The following DNAJC3 variants were observed in gnomAD, a reference collection of about 807,000 sequenced individuals.
DNAJC3 encodes dnaJ homolog subfamily C member 3.
A neutral mutation model predicts 68.6 loss-of-function variants in DNAJC3; 38 were observed. The ratio of observed to expected loss-of-function variants is 0.55; its 90% confidence interval spans 0.43 to 0.73. The LOEUF (loss-of-function observed/expected upper bound fraction) is 0.73. Ranked by LOEUF, DNAJC3 falls within the 30% of genes least tolerant of loss-of-function variation. The pLI, the probability that DNAJC3 is intolerant of heterozygous loss-of-function variation, is 0.00. For synonymous variants in DNAJC3, 203 were observed against 204.0 expected (o/e 1.00, Z 0.04); for missense variants, 526 against 591.9 (o/e 0.89, Z 1.16).
At chr13:95,742,886 T>C (rs778086537) in intron 4 of DNAJC3, 1 of 504,228 alleles carries the variant, frequency 2.0e-6, no homozygotes, top group Non-Finnish European at 4.0e-6. Flanking sequence ...TTTTCTCATA[T>C]CTTCTAAAAG....
chr13:95,740,771 T>C (rs1307421610), intron 4 of DNAJC3, among the ~76,000 whole-genome samples: 7 of 152,210 alleles, frequency 4.6e-5, no homozygotes, highest in Admixed American at 3.9e-4. Context: ...TCACCCGTCT[T>C]CTGCGTCGCT....
intron 3 of DNAJC3, among the ~76,000 whole-genome samples, chr13:95,723,638 G>C (rs17878553): frequency 6.6e-6 from 1 of 152,244 alleles, no homozygotes; most frequent in African/African-American, 2.4e-5. Context: ...TGTGGAGGCT[G>C]GAGTGTGAGG....
chr13:95,777,399 T>G (rs975590682), intron 9 of DNAJC3, among the ~76,000 whole-genome samples: 1 of 152,218 alleles, frequency 6.6e-6, no homozygotes, highest in African/African-American at 2.4e-5. Context: ...TAGATCCATC[T>G]TTCACTTCAG....
intron 9 of DNAJC3, among the ~76,000 whole-genome samples, chr13:95,785,453 T>G (rs1028178927): frequency 4.0e-5 from 1 of 25,114 alleles, no homozygotes; most frequent in Non-Finnish European, 7.5e-5. Context: ...CTTTTAAACC[T>G]TTTTTTTTTT....
intron 4 of DNAJC3, among the ~76,000 whole-genome samples, chr13:95,729,203 TTC>T (rs1426492601): frequency 2.6e-5 from 3 of 113,984 alleles, no homozygotes; most frequent in East Asian, 6.1e-4. Flanking sequence ...CTCTCTCTCT[TTC>T]TCTCTCTCTT....
chr13:95,703,745 G>T (rs1880642317), intron 1 of DNAJC3, among the ~76,000 whole-genome samples: 2 of 152,026 alleles, frequency 1.3e-5, no homozygotes, highest in Non-Finnish European at 2.9e-5. Flanking sequence ...CTGGTCTGAG[G>T]TGGTAGCTGA....
intron 7 of DNAJC3, among the ~76,000 whole-genome samples, 174 bp downstream of exon 7, chr13:95,760,972 A>G (rs2139675665): frequency 6.6e-6 from 1 of 152,372 alleles, no homozygotes; most frequent in South Asian, 2.1e-4. Context: ...AGGGAAGAAT[A>G]TAAATAATAG....
chr13:95,709,357 A>G lies in DNAJC3; in HGVS notation c.193+20A>G. On this transcript the variant is annotated intron_variant, in intron 2 of 11. Coordinates refer to ENST00000602402, the MANE Select transcript of DNAJC3 (RefSeq NM_006260.5). ...CCGTAGGTTTGTATCATGGAACCAA[A>G]TCACTCAGTGTCTGTCTTAGTGAAT... is the stretch of plus-strand genomic sequence containing the variant. 1.3e-6 allele frequency: 2 copies of G among 1,555,552 alleles called. No homozygotes were observed. The highest frequency in any genetic ancestry group is 1.7e-6 in the Non-Finnish European group (2 of 1,145,620).
At chr13:95,679,199 CTTTTTT>C (rs3086610) in intron 1 of DNAJC3, among the ~76,000 whole-genome samples, 77 of 108,388 alleles carry the variant, frequency 7.1e-4, no homozygotes, top group African/African-American at 1.8e-3. Context: ...AAAATCAGCA[CTTTTTT>C]TTTTTTTTTT....
intron 1 of DNAJC3, among the ~76,000 whole-genome samples, chr13:95,704,849 G>GTTTTTTTTTTTTTTTTTTTTTTTTTTTTT (rs1292968162): frequency 9.7e-6 from 1 of 102,884 alleles, no homozygotes; most frequent in East Asian, 2.5e-4. Flanking sequence ...CTGTGTGTGT[G>GTTTTTTTTTTTTTTTTTTTTTTTTTTTTT]TGTTTTTTTT....
Position 95,757,702 on chromosome 13 carries a change from C to G in DNAJC3, c.452C>G (p.Ser151Cys). The G allele has an allele frequency of 1.3e-6, 2 of 1,585,132 alleles. No individual in the cohort carries two copies. The highest frequency in any genetic ancestry group is 2.3e-5 in the South Asian group (2 of 88,864). ...GAAGCACAGTCTCAACTTATAAAATCTGATGAAATGCAGCGTTTGCGTTCA... is the reference window on the plus strand; with the variant it reads ...GAAGCACAGTCTCAACTTATAAAATGTGATGAAATGCAGCGTTTGCGTTCA... ...EKEAQSQLIKSDEMQRLRSQA... is the reference protein window; with the variant it reads ...EKEAQSQLIKCDEMQRLRSQA... The change falls in exon 5 of 12, where the codon TCT becomes TGT. Residue 151 changes from serine to cysteine, a missense_variant. Physicochemically the swap from Ser to Cys is moderately radical, Grantham distance 112. Transcript: ENST00000602402.
chr13:95,788,194 CT>C (rs1472130475), intron 11 of DNAJC3, among the ~76,000 whole-genome samples: 1 of 152,206 alleles, frequency 6.6e-6, no homozygotes, highest in African/African-American at 2.4e-5. Context: ...ATGTACTTCC[CT>C]TATCAAGTAG....
chr13:95,753,224 A>G (rs1230090476), intron 4 of DNAJC3, among the ~76,000 whole-genome samples: 1 of 152,220 alleles, frequency 6.6e-6, no homozygotes, highest in Non-Finnish European at 1.5e-5. Flanking sequence ...TGCATGTTTA[A>G]CAAGGTAATC....
chr13:95,768,732 T>C (rs1179323807), intron 9 of DNAJC3, among the ~76,000 whole-genome samples: 2 of 152,094 alleles, frequency 1.3e-5, no homozygotes, highest in Non-Finnish European at 2.9e-5. Flanking sequence ...CCCAGCACTT[T>C]GGGAGGCCGA....
intron 4 of DNAJC3, among the ~76,000 whole-genome samples, chr13:95,748,230 A>AT (rs1405031272): frequency 1.3e-5 from 2 of 152,132 alleles, no homozygotes; most frequent in Non-Finnish European, 2.9e-5. Context: ...ATATAACTGT[A>AT]TTTTTTTACT....
chr13:95,704,371 A>G (rs1417067615), intron 1 of DNAJC3, among the ~76,000 whole-genome samples: 1 of 152,212 alleles, frequency 6.6e-6, no homozygotes, highest in Non-Finnish European at 1.5e-5. Context: ...TGTGATTGAA[A>G]TAATAAACTG....
At chr13:95,773,892 A>G (rs1006830810) in intron 9 of DNAJC3, among the ~76,000 whole-genome samples, 4 of 151,982 alleles carry the variant, frequency 2.6e-5, no homozygotes, top group Non-Finnish European at 5.9e-5. Context: ...GTGCACCACC[A>G]CACCCAGCTA....
chr13:95,688,063 G>T (rs1250564356), intron 1 of DNAJC3, among the ~76,000 whole-genome samples: 1 of 152,140 alleles, frequency 6.6e-6, no homozygotes, highest in African/African-American at 2.4e-5. Flanking sequence ...TTTTGTTATT[G>T]ATTTGGCTCT....
chr13:95,766,750 A>G (rs1269230936), intron 9 of DNAJC3, among the ~76,000 whole-genome samples: 3 of 150,286 alleles, frequency 2.0e-5, no homozygotes, highest in African/African-American at 7.4e-5. Flanking sequence ...GCTGGAGTGC[A>G]GTGGCATGAT....
Sources: gnomAD v4.1 joint callset for allele counts (sites outside exome capture counted in the v4.1 genomes callset) on GRCh38, gnomAD v4.1.1 for gene constraint, MANE v1.5 for transcripts, NCBI Gene and HGNC (gene_info 2026-07-23, HGNC 2026-07-21) for gene names.